Variants in RBM41 observed in about 807,000 individuals in gnomAD.
RBM41 encodes RNA-binding protein 41.
Under a neutral mutation model 30.8 loss-of-function variants are expected in RBM41, and 14 were observed. That is an observed-to-expected ratio of 0.45 (90% confidence interval 0.30 to 0.71). The LOEUF (loss-of-function observed/expected upper bound fraction) is 0.71. Ranked by LOEUF, RBM41 falls within the 30% of genes least tolerant of loss-of-function variation. The probability of loss-of-function intolerance (pLI) is 0.08; values close to 1 mark genes in which losing one functional copy is unlikely to be tolerated. For synonymous variants in RBM41, 120 were observed against 110.1 expected, an observed-to-expected ratio of 1.09 and a Z score of -0.56; for missense variants, 276 against 326.3, an observed-to-expected ratio of 0.85 and a Z score of 1.19.
At chrX:107,098,713 T>C (rs1923193463) in intron 5 of RBM41, among the ~76,000 whole-genome samples, 1 of 111,623 alleles carries the variant, frequency 9.0e-6, no homozygotes, top group African/African-American at 3.3e-5. Context: ...TAAAGAACAG[T>C]ATCAGGCCCA....
At chrX:107,098,892 T>C (rs905818687) in intron 5 of RBM41, among the ~76,000 whole-genome samples, 1 of 109,644 alleles carries the variant, frequency 9.1e-6, no homozygotes, top group Non-Finnish European at 1.9e-5. Context: ...TCTCAGCTAC[T>C]TGGGAGGCTG....
intron 5 of RBM41, among the ~76,000 whole-genome samples, chrX:107,100,504 G>GA (rs1167492073): frequency 1.0e-5 from 1 of 100,052 alleles, no homozygotes; most frequent in Non-Finnish European, 2.0e-5. Flanking sequence ...AAAAAAAAAA[G>GA]AAAAAAAAAG....
rs1173360818 is a variant in RBM41, at chrX:107,067,662, T to C, written c.1179A>G (p.Leu393=). Residue 393 remains leucine, a synonymous_variant, in exon 8 of 8, where the codon CTA becomes CTG. Transcript: ENST00000685964. ...NKEIAWQALH[L]VNGYKLHGKI... Reference sequence around the variant, plus strand: ...TCCCATGTAGTTTGTATCCATTTACTAGATGCAATGCTTGCCATGCTATCT... The same window carrying C: ...TCCCATGTAGTTTGTATCCATTTACCAGATGCAATGCTTGCCATGCTATCT... 5 of 1,209,995 alleles carry C rather than the reference T, an allele frequency of 4.1e-6. No individual in the cohort carries two copies. Among genetic ancestry groups the C allele is most frequent in the Admixed American group, 2.2e-5 (1 of 45,875 alleles).
At chrX:107,078,816 G>T (rs186181367) in intron 6 of RBM41, among the ~76,000 whole-genome samples, 3 of 109,386 alleles carry the variant, frequency 2.7e-5, no homozygotes, top group East Asian at 2.8e-4. Context: ...TGCACAAATT[G>T]TTCTGGCTTT....
At chrX:107,109,543 CTT>C (rs1924279266) in intron 5 of RBM41, among the ~76,000 whole-genome samples, 1 of 111,485 alleles carries the variant, frequency 9.0e-6, no homozygotes, top group African/African-American at 3.2e-5. Flanking sequence ...AAAGAACTAA[CTT>C]TTGGTTTTGT....
chrX:107,054,052 G>C, the RBM41 span, among the ~76,000 whole-genome samples: 3 of 110,471 alleles, frequency 2.7e-5, no homozygotes, highest in South Asian at 1.2e-3. Flanking sequence ...GCTACTGGTT[G>C]TACAGCAGCA....
Position 107,069,385 on chromosome X carries a change from G to C in RBM41, c.1017C>G (p.Asn339Lys). 8.3e-7 allele frequency: 1 copy of C among 1,201,279 alleles called. No individual in the cohort carries two copies. The highest frequency in any genetic ancestry group is 1.8e-5 in the South Asian group (1 of 55,673). Residue 339 changes from asparagine to lysine, a missense_variant, in exon 7 of 8, where the codon AAC becomes AAG. Physicochemically the swap from Asn to Lys is moderately conservative, Grantham distance 94. Coordinates refer to ENST00000685964, the MANE Select transcript of RBM41 (RefSeq NM_001324242.2). ...CTCTTTCAGTCACCCGAGGGCTAAG[G>C]TTCTTCAGGTATAATACCTAAAACA... ...GEPNKVLYLK[N>K]LSPRVTERDL... is the part of the protein sequence containing the mutation.
rs756617319 is a variant in RBM41 at position 107,102,369 on chromosome X, T to C, written c.595+11028A>G. On this transcript the variant is annotated intron_variant, in intron 5 of 7. Transcript: ENST00000685964. ...CTGTTAAGAAAAAAGGGGACAACAC[T>C]TGATGATTGGGAAAATTCTCAGCCT... Among the ~76,000 whole-genome samples, 3 of 111,469 alleles carry C rather than the reference T, an allele frequency of 2.7e-5. No individual in the cohort carries two copies. In the South Asian group the frequency reaches 1.1e-3, roughly 42 times the overall value.
At chrX:107,118,423 G>GT (rs1925073644) in intron 1 of RBM41, among the ~76,000 whole-genome samples, 1 of 111,241 alleles carries the variant, frequency 9.0e-6, no homozygotes, top group Non-Finnish European at 1.9e-5. Context: ...CTGGCCCGAG[G>GT]TACCTACATC....
intron 5 of RBM41, among the ~76,000 whole-genome samples, chrX:107,099,690 TACACACACACAC>T (rs58279760): frequency 3.4e-4 from 31 of 92,535 alleles, no homozygotes; most frequent in South Asian, 1.1e-3. Flanking sequence ...TCCTGAAAGG[TACACACACACAC>T]ACACACACAC....
chrX:107,099,470 T>C (rs1923260946), intron 5 of RBM41, among the ~76,000 whole-genome samples: 1 of 112,064 alleles, frequency 8.9e-6, no homozygotes, highest in Non-Finnish European at 1.9e-5. Flanking sequence ...TGGACAAAGA[T>C]ACAAACAGAC....
chrX:107,081,239 C>T (rs1002221452), intron 6 of RBM41, among the ~76,000 whole-genome samples: 1 of 110,561 alleles, frequency 9.0e-6, no homozygotes, highest in Non-Finnish European at 1.9e-5. Flanking sequence ...TTACATGTGG[C>T]TATTCAGTTG....
At chrX:107,057,691 A>G (rs752803619), downstream of RBM41, among the ~76,000 whole-genome samples, 3 of 112,183 alleles carry the variant, frequency 2.7e-5, no homozygotes, top group East Asian at 8.4e-4. Context: ...ATTTACTTCA[A>G]AAGCACAGGC....
intron 5 of RBM41, among the ~76,000 whole-genome samples, chrX:107,097,398 C>T (rs993598311): frequency 9.0e-6 from 1 of 111,703 alleles, no homozygotes; most frequent in Non-Finnish European, 1.9e-5. Flanking sequence ...ATAATCCCCA[C>T]GTGTCAAGGG....
intron 6 of RBM41, chrX:107,070,560 T>C: frequency 4.3e-6 from 1 of 230,642 alleles, no homozygotes; most frequent in Non-Finnish European, 8.0e-6. Flanking sequence ...ATCTGCTTTT[T>C]AGTTCCTACT....
At chrX:107,115,714 C>G in intron 3 of RBM41, 148 bp downstream of exon 3, 1 of 883,499 alleles carries the variant, frequency 1.1e-6, no homozygotes. Flanking sequence ...TTACCAATGT[C>G]TGCATTCTAA....
chrX:107,114,198 C>T (rs1462120601), intron 4 of RBM41: 8 of 111,244 alleles, frequency 7.2e-5, no homozygotes, highest in Non-Finnish European at 1.9e-5. Flanking sequence ...ATAAACCTAC[C>T]TCTCTCCAAT....
chrX:107,076,768 A>G (rs763881520), intron 6 of RBM41, among the ~76,000 whole-genome samples: 5 of 111,792 alleles, frequency 4.5e-5, no homozygotes, highest in African/African-American at 9.7e-5. Context: ...TACATTACCT[A>G]GCATTAGTTA....
chrX:107,115,275 C>T (rs1488512337), intron 4 of RBM41, 77 bp downstream of exon 4: 2 of 1,048,992 alleles, frequency 1.9e-6, no homozygotes, highest in Admixed American at 2.3e-5. Context: ...CCTTCACTAA[C>T]TCTTCATATT....
Sources: allele counts gnomAD v4.1 joint callset (sites outside exome capture counted in the v4.1 genomes callset), GRCh38; gene constraint gnomAD v4.1.1; transcripts MANE v1.5; gene names NCBI Gene and HGNC (gene_info 2026-07-23, HGNC 2026-07-21).